Variants in MAEA observed in about 807,000 individuals in gnomAD.
MAEA encodes the protein E3 ubiquitin-protein transferase MAEA.
In MAEA, 22 loss-of-function variants were observed where a neutral mutation model predicts 46.2. The observed-to-expected ratio is 0.48, with a 90% confidence interval of 0.34 to 0.68. MAEA has a LOEUF of 0.68. Ranked by LOEUF, MAEA falls within the 30% of genes least tolerant of loss-of-function variation. MAEA has a pLI of 0.01. For missense variants in MAEA, 393 were observed against 558.1 expected, an observed-to-expected ratio of 0.70 and a Z score of 2.98; for synonymous variants, 246 against 222.6, an observed-to-expected ratio of 1.11 and a Z score of -0.94.
At position 1,332,992 on chromosome 4, in the gene MAEA, A is replaced by G; in HGVS notation, c.765+127A>G. The G allele has an allele frequency of 5.0e-6, 3 of 605,742 alleles. No homozygotes were observed. In the Admixed American group the frequency reaches 1.0e-4, roughly 21 times the overall value. The allele number at this position is 605,742 out of a possible 1,614,324, so 37.5% of individuals were successfully genotyped here. ...CCCATCCCAGCCACACAGCCTGTCC[A>G]GCCTGCCAAGACAAGCTTTTCTTGT... On this transcript the variant is annotated intron_variant, in intron 6 of 8. Transcript: ENST00000303400.
At chr4:1,310,296 G>T (rs1443899984) in intron 1 of MAEA, among the ~76,000 whole-genome samples, 1 of 152,334 alleles carries the variant, frequency 6.6e-6, no homozygotes, top group East Asian at 1.9e-4. Context: ...TATTTATGGA[G>T]AGCTGAAGTG....
chr4:1,312,274 T>TG, intron 2 of MAEA, 113 bp downstream of exon 2: 1 of 1,338,722 alleles, frequency 7.5e-7, no homozygotes, highest in South Asian at 1.4e-5. Context: ...GAGGTGCGGT[T>TG]GGGGGCCCCC....
At chr4:1,320,638 AAAT>A (rs151082286) in intron 3 of MAEA, among the ~76,000 whole-genome samples, 9,654 of 151,124 alleles carry the variant, frequency 0.064, 1,043 homozygotes, top group African/African-American at 0.22. Flanking sequence ...ATCAGAAAAG[AAAT>A]AATCAAAGCA....
At position 1,336,850 on chromosome 4, in the gene MAEA, C is replaced by A; in HGVS notation, c.766-11C>A. ...GAGCATCCCCAGGACCCTCTGCTCT[C>A]TGTCTTCCAGGACCTTCTGGACCCT... On this transcript the variant is annotated splice_polypyrimidine_tract_variant and intron_variant, in intron 6 of 8. Transcript: ENST00000303400. 6.2e-7 allele frequency: 1 copy of A among 1,612,500 alleles called. No individual in the cohort carries two copies. Among genetic ancestry groups the A allele is most frequent in the South Asian group, 1.1e-5 (1 of 90,974 alleles).
chr4:1,324,218 G>A (rs1055240365), intron 4 of MAEA, among the ~76,000 whole-genome samples: 5 of 150,850 alleles, frequency 3.3e-5, no homozygotes, highest in African/African-American at 9.8e-5. Context: ...CGTTGGATGA[G>A]TTGAGATTGG....
intron 7 of MAEA, chr4:1,337,300 T>A: frequency 2.7e-6 from 1 of 373,362 alleles, no homozygotes; most frequent in Non-Finnish European, 4.8e-6. Context: ...AGATTACCAT[T>A]CAGAATAGTT....
chr4:1,302,203 C>T (rs6853002), intron 1 of MAEA, among the ~76,000 whole-genome samples: 75,383 of 152,008 alleles, frequency 0.5, 18,779 homozygotes, highest in Admixed American at 0.57. Context: ...GTTGGTTCAA[C>T]GTGTGAAAAT....
intron 6 of MAEA, chr4:1,335,733 G>A (rs1712673625): frequency 1.0e-6 from 1 of 985,264 alleles, no homozygotes; most frequent in African/African-American, 1.7e-5. Context: ...ACAGTGTGTT[G>A]AAATCACAGA....
intron 1 of MAEA, among the ~76,000 whole-genome samples, chr4:1,300,437 T>A (rs1735201568): frequency 6.6e-6 from 1 of 152,184 alleles, no homozygotes; most frequent in Non-Finnish European, 1.5e-5. Context: ...CCCTTTGAAA[T>A]ACTTTATGGA....
intron 8 of MAEA, 36 bp from the exon 9 acceptor site, chr4:1,339,038 C>T (rs559701963): frequency 1.4e-5 from 21 of 1,485,780 alleles, no homozygotes; most frequent in South Asian, 3.4e-5. Context: ...ACGTTGTAGT[C>T]GCTTGCCTTA....
intron 1 of MAEA, among the ~76,000 whole-genome samples, chr4:1,305,728 C>T (rs1376174789): frequency 6.6e-6 from 1 of 151,194 alleles, no homozygotes; most frequent in East Asian, 1.9e-4. Flanking sequence ...TGTGTGTGCG[C>T]ACGCGTGTGT....
At chr4:1,328,054 C>T (rs1347566826) in intron 5 of MAEA, among the ~76,000 whole-genome samples, 1 of 152,260 alleles carries the variant, frequency 6.6e-6, no homozygotes. Context: ...CCGCCAGCCT[C>T]AGTAGATGGG....
At chr4:1,323,619 T>C (rs892097213) in intron 4 of MAEA, 2 of 702,522 alleles carry the variant, frequency 2.8e-6, no homozygotes, top group Non-Finnish European at 5.2e-6. Context: ...GTATGTAACC[T>C]GCGGCCCCAC....
chr4:1,328,280 C>T (rs1360493275), intron 5 of MAEA, among the ~76,000 whole-genome samples: 1 of 152,202 alleles, frequency 6.6e-6, no homozygotes, highest in Non-Finnish European at 1.5e-5. Context: ...GTGGCTCAGC[C>T]CAGTTGGGGT....
At chr4:1,316,814 A>G (rs1433324713) in intron 3 of MAEA, among the ~76,000 whole-genome samples, 1 of 151,420 alleles carries the variant, frequency 6.6e-6, no homozygotes, top group South Asian at 2.1e-4. Flanking sequence ...ATGGGGCCAC[A>G]CTCACGCCCC....
intron 8 of MAEA, 93 bp from the exon 9 acceptor site, chr4:1,338,981 A>G (rs2109024066): frequency 1.9e-6 from 2 of 1,070,788 alleles, no homozygotes; most frequent in South Asian, 1.3e-5. Flanking sequence ...AGGATGAGTC[A>G]TTCCCTGGTG....
intron 1 of MAEA, chr4:1,310,069 C>G (rs1385857381): frequency 1.9e-6 from 2 of 1,054,024 alleles, no homozygotes; most frequent in African/African-American, 3.3e-5. Flanking sequence ...GGTCTAATGG[C>G]GAAGACTTTC....
At chr4:1,316,182 GT>G (rs1264891557) in intron 3 of MAEA, among the ~76,000 whole-genome samples, 7 of 152,160 alleles carry the variant, frequency 4.6e-5, no homozygotes, top group African/African-American at 1.7e-4. Context: ...CGTTTTCCGT[GT>G]TTTCTGTGGC....
In MAEA at chr4:1,289,946, C is replaced by T. The variant is rs1194792325; in HGVS notation, c.33C>T (p.Ser11=). ...TGCAGGAGTCGGCGGCTCAGTTGTC[C>T]ATGACCCTGAAGGTCCAGGAGTACC... MAVQESAAQL[S]MTLKVQEYPT... is the part of the protein sequence containing the mutation. Residue 11 remains serine (S), a synonymous_variant, in exon 1 of 9, where the codon TCC becomes TCT. Transcript: ENST00000303400. 3.1e-6 allele frequency: 5 copies of T among 1,602,370 alleles called. No homozygotes were observed. The highest frequency in any genetic ancestry group is 4.3e-6 in the Non-Finnish European group (5 of 1,174,312).
Sources: gnomAD v4.1 joint callset for allele counts (sites outside exome capture counted in the v4.1 genomes callset) on GRCh38, gnomAD v4.1.1 for gene constraint, MANE v1.5 for transcripts, NCBI Gene and HGNC (gene_info 2026-07-23, HGNC 2026-07-21) for gene names.